MRTFA: variants seen among roughly 807,000 people sequenced by gnomAD.
The protein encoded by MRTFA is myocardin-related transcription factor A.
Under a neutral mutation model 83.5 loss-of-function variants are expected in MRTFA, and 20 were observed. The observed-to-expected ratio is 0.24, with a 90% CI of 0.17 to 0.35. MRTFA has a LOEUF of 0.35. MRTFA is among the 10% of genes least tolerant of loss of function. MRTFA has a pLI of 1.00. For missense variants in MRTFA, 1,200 were observed against 1,224.7 expected (o/e 0.98, Z 0.30); for synonymous variants, 659 against 541.2 (o/e 1.22, Z -3.02).
chr22:40,459,289 CCCTATCCATGTA>C (rs2053653883), intron 4 of MRTFA, among the ~76,000 whole-genome samples: 1 of 149,482 alleles, frequency 6.7e-6, no homozygotes, highest in South Asian at 2.1e-4. Flanking sequence ...GAACACCAGA[CCCTATCCATGTA>C]CCAACAGGGA....
At chr22:40,571,617 A>C (rs1235101072) in intron 2 of MRTFA, among the ~76,000 whole-genome samples, 1 of 152,170 alleles carries the variant, frequency 6.6e-6, no homozygotes, top group Non-Finnish European at 1.5e-5. Context: ...TGGGCAATGG[A>C]TTTGAACATA....
chr22:40,587,758 A>G, intron 2 of MRTFA: 1 of 336,872 alleles, frequency 3.0e-6, no homozygotes, highest in Non-Finnish European at 5.9e-6. Context: ...GAGTCCCACC[A>G]CCTCAAACTC....
At chr22:40,545,590 G>A (rs1215202218) in intron 3 of MRTFA, among the ~76,000 whole-genome samples, 1 of 151,680 alleles carries the variant, frequency 6.6e-6, no homozygotes, top group Non-Finnish European at 1.5e-5. Flanking sequence ...CTGCCACCAC[G>A]CCCGGCTAAT....
intron 1 of MRTFA, among the ~76,000 whole-genome samples, chr22:40,626,866 A>AACAAACAC (rs1556030969): frequency 1.4e-5 from 2 of 145,128 alleles, no homozygotes; most frequent in Non-Finnish European, 3.0e-5. Flanking sequence ...CCCTGTCTCA[A>AACAAACAC]ACACACACAC....
chr22:40,419,052 C>T lies in MRTFA; in HGVS notation c.1686G>A (p.Leu562=), dbSNP rs148376207. 3.9e-5 allele frequency: 63 copies of T among 1,611,454 alleles called. No individual in the cohort carries two copies. The African/African-American group carries it at 8.0e-4, about 20-fold the overall frequency. Residue 562 remains leucine, a synonymous_variant, in exon 12 of 15, where the codon CTG becomes CTA. Transcript: ENST00000355630. ...TGGAGTTTTCATCGCCCGTGCTGAG[C>T]AGTGAGCGCTCCGAGGGGGTGGGAG...
chr22:40,443,993 C>G (rs900459768), intron 4 of MRTFA, among the ~76,000 whole-genome samples: 1 of 152,142 alleles, frequency 6.6e-6, no homozygotes, highest in Admixed American at 6.5e-5. Flanking sequence ...ACTCTCGCCC[C>G]GAATGAGAAG....
intron 2 of MRTFA, chr22:40,588,111 C>T (rs1602466763): frequency 6.4e-6 from 1 of 157,428 alleles, no homozygotes; most frequent in Non-Finnish European, 1.4e-5. Flanking sequence ...TCACTGCAAC[C>T]TCCGCCTCCC....
chr22:40,527,360 G>A (rs889126394), intron 3 of MRTFA, among the ~76,000 whole-genome samples: 3 of 151,774 alleles, frequency 2.0e-5, no homozygotes, highest in Admixed American at 6.6e-5. Context: ...TTAGCTTGAC[G>A]AGTGCAAGGC....
chr22:40,633,887 G>A (rs998578462), intron 1 of MRTFA, among the ~76,000 whole-genome samples: 8 of 152,150 alleles, frequency 5.3e-5, no homozygotes, highest in African/African-American at 1.2e-4. Context: ...AAAAGGAACC[G>A]TATACCATAC....
chr22:40,554,837 A>G (rs1175514591), intron 2 of MRTFA, among the ~76,000 whole-genome samples: 1 of 152,222 alleles, frequency 6.6e-6, no homozygotes, highest in Non-Finnish European at 1.5e-5. Flanking sequence ...ATGCAACCTC[A>G]GCGTGGAAAA....
At chr22:40,579,968 T>C (rs1305553092) in intron 2 of MRTFA, among the ~76,000 whole-genome samples, 1 of 152,150 alleles carries the variant, frequency 6.6e-6, no homozygotes, top group Non-Finnish European at 1.5e-5. Flanking sequence ...TGTGTTACTG[T>C]GTAACATTAC....
intron 3 of MRTFA, among the ~76,000 whole-genome samples, chr22:40,546,068 G>C (rs1397027294): frequency 6.6e-6 from 1 of 152,226 alleles, no homozygotes; most frequent in Non-Finnish European, 1.5e-5. Flanking sequence ...ATGTGAAACA[G>C]ATCAAAGAAG....
At chr22:40,458,816 G>A (rs561372115) in intron 4 of MRTFA, among the ~76,000 whole-genome samples, 11 of 152,242 alleles carry the variant, frequency 7.2e-5, no homozygotes, top group Non-Finnish European at 1.3e-4. Context: ...GGAGGCTCAT[G>A]CCTGTAATCT....
chr22:40,597,249 T>C (rs1602478075), intron 1 of MRTFA, among the ~76,000 whole-genome samples: 1 of 152,350 alleles, frequency 6.6e-6, no homozygotes, highest in South Asian at 2.1e-4. Flanking sequence ...TAACGATCCA[T>C]TTAAACAATC....
At chr22:40,536,089 G>C (rs931114258) in intron 3 of MRTFA, among the ~76,000 whole-genome samples, 4 of 149,864 alleles carry the variant, frequency 2.7e-5, no homozygotes, top group Non-Finnish European at 5.9e-5. Flanking sequence ...CTAGAAGTTA[G>C]AGACCAGGTT....
At chr22:40,580,225 G>T (rs2055927040) in intron 2 of MRTFA, among the ~76,000 whole-genome samples, 1 of 151,808 alleles carries the variant, frequency 6.6e-6, no homozygotes, top group Non-Finnish European at 1.5e-5. Flanking sequence ...TTGAGACAGG[G>T]TCTCATTCTG....
intron 3 of MRTFA, chr22:40,526,302 G>A (rs2054971848): frequency 2.6e-5 from 4 of 152,054 alleles, no homozygotes; most frequent in Admixed American, 1.3e-4. Flanking sequence ...CAAAGCGCTG[G>A]GATTATAGGT....
At chr22:40,622,661 C>A (rs1281959390) in intron 1 of MRTFA, among the ~76,000 whole-genome samples, 1 of 152,030 alleles carries the variant, frequency 6.6e-6, no homozygotes, top group African/African-American at 2.4e-5. Context: ...CCAGTAGCCA[C>A]CAGAAGGTGG....
chr22:40,599,594 T>C (rs1486766457), intron 1 of MRTFA, among the ~76,000 whole-genome samples: 1 of 152,012 alleles, frequency 6.6e-6, no homozygotes, highest in Non-Finnish European at 1.5e-5. Context: ...GGGAAGAGAA[T>C]GCAAAGGATA....
Sources: allele counts gnomAD v4.1 joint callset (sites outside exome capture counted in the v4.1 genomes callset), GRCh38; gene constraint gnomAD v4.1.1; transcripts MANE v1.5; gene names NCBI Gene and HGNC (gene_info 2026-07-23, HGNC 2026-07-21).